The following NOX4 variants were observed in gnomAD, a reference collection of about 807,000 sequenced individuals.
NOX4 encodes NADPH oxidase 4, also known as kidney oxidase-1.
A neutral mutation model predicts 87.6 loss-of-function variants in NOX4; 69 were observed. The observed-to-expected ratio is 0.79, with a 90% CI of 0.65 to 0.96. The LOEUF is 0.96. Among genes scored for constraint, NOX4 ranks in the 40% least tolerant of loss-of-function variants. The pLI, the probability that NOX4 is intolerant of heterozygous loss-of-function variation, is 0.00. For missense variants in NOX4, 680 were observed against 681.5 expected (o/e 1.00, Z 0.02); for synonymous variants, 275 against 238.2 (o/e 1.15, Z -1.42).
intron 2 of NOX4, among the ~76,000 whole-genome samples, chr11:89,485,493 T>C (rs1946556044): frequency 1.3e-5 from 2 of 152,052 alleles, no homozygotes; most frequent in African/African-American, 4.8e-5. Flanking sequence ...TTACATGATA[T>C]TCTTTAATTA....
At chr11:89,378,727 G>A (rs1214439429) in intron 11 of NOX4, among the ~76,000 whole-genome samples, 1 of 152,024 alleles carries the variant, frequency 6.6e-6, no homozygotes, top group Non-Finnish European at 1.5e-5. Context: ...TCAAAGGTGG[G>A]CAGCTCTTCG....
At chr11:89,523,976 C>A in the NOX4 span, among the ~76,000 whole-genome samples, 1 of 152,102 alleles carries the variant, frequency 6.6e-6, no homozygotes, top group East Asian at 1.9e-4. Context: ...ATCAGCAGCT[C>A]CCTGGGGCCA....
chr11:89,542,375 G>A, the NOX4 span, among the ~76,000 whole-genome samples: 30 of 152,250 alleles, frequency 2.0e-4, no homozygotes, highest in South Asian at 6.2e-3. Context: ...ATACCTCAGG[G>A]CACTCTGCTC....
At position 89,358,917 on chromosome 11, in the gene NOX4, T is replaced by C. The variant is rs7926921; in HGVS notation, c.1136-3874A>G. Among the ~76,000 whole-genome samples, 625 of 152,094 alleles carry C rather than the reference T, an allele frequency of 4.1e-3. 5 individuals are homozygous for C. The highest frequency in any genetic ancestry group is 0.014 in the African/African-American group (598 of 41,530). On this transcript the variant is annotated intron_variant, in intron 12 of 17. Transcript: ENST00000263317. ...CTTTCACAGGACTTCTTAGAAGAAA[T>C]TCATTAAAGCCACTGGAAAAAAAAA...
At chr11:89,528,167 G>A in the NOX4 span, among the ~76,000 whole-genome samples, 2 of 152,266 alleles carry the variant, frequency 1.3e-5, no homozygotes, top group African/African-American at 4.8e-5. Context: ...TAGCCACTTC[G>A]TTTTGGCCAA....
chr11:89,356,987 C>T (rs1345831323), intron 12 of NOX4, among the ~76,000 whole-genome samples: 1 of 152,076 alleles, frequency 6.6e-6, no homozygotes, highest in East Asian at 1.9e-4. Flanking sequence ...GCTAACACTC[C>T]CCAGCTGCAG....
At chr11:89,578,952 C>G in the NOX4 span, among the ~76,000 whole-genome samples, 1 of 152,072 alleles carries the variant, frequency 6.6e-6, no homozygotes, top group Non-Finnish European at 1.5e-5. Context: ...CAGCACTTAC[C>G]TGCAATGAAA....
intron 5 of NOX4, among the ~76,000 whole-genome samples, chr11:89,442,842 T>C (rs1360951422): frequency 1.3e-5 from 2 of 151,940 alleles, no homozygotes; most frequent in African/African-American, 4.8e-5. Context: ...ATTAAAGTTA[T>C]TAAAGACATG....
intron 11 of NOX4, among the ~76,000 whole-genome samples, chr11:89,390,015 T>C (rs911155304): frequency 1.3e-5 from 2 of 152,196 alleles, no homozygotes; most frequent in African/African-American, 4.8e-5. Flanking sequence ...TTGACAAAGA[T>C]GTGATACTCA....
chr11:89,348,172 T>C (rs1946297971), intron 13 of NOX4, among the ~76,000 whole-genome samples: 1 of 152,126 alleles, frequency 6.6e-6, no homozygotes, highest in Non-Finnish European at 1.5e-5. Flanking sequence ...AATCCCCACT[T>C]TGGGAGGTCA....
the NOX4 span, among the ~76,000 whole-genome samples, chr11:89,523,269 G>A: frequency 2.6e-5 from 4 of 152,052 alleles, no homozygotes; most frequent in South Asian, 2.1e-4. Flanking sequence ...TAATCCTCCC[G>A]CCTCAGCCTC....
At chr11:89,571,723 A>C in the NOX4 span, among the ~76,000 whole-genome samples, 1 of 151,804 alleles carries the variant, frequency 6.6e-6, no homozygotes. Flanking sequence ...AGGACCCCCA[A>C]ATTACTAAGC....
At chr11:89,503,426 T>C in the NOX4 span, among the ~76,000 whole-genome samples, 1 of 152,014 alleles carries the variant, frequency 6.6e-6, no homozygotes, top group Non-Finnish European at 1.5e-5. Context: ...TGTAGTATAA[T>C]ATTCAACACA....
At chr11:89,559,623 C>T in the NOX4 span, among the ~76,000 whole-genome samples, 2 of 152,024 alleles carry the variant, frequency 1.3e-5, no homozygotes, top group Non-Finnish European at 2.9e-5. Context: ...AGATAATAAT[C>T]AAATGTAGCA....
chr11:89,377,741 C>T (rs1297704750), intron 11 of NOX4, among the ~76,000 whole-genome samples: 3 of 152,046 alleles, frequency 2.0e-5, no homozygotes, highest in South Asian at 2.1e-4. Flanking sequence ...AAAATAGCAA[C>T]TTTTCAAAAA....
At chr11:89,554,256 C>T in the NOX4 span, among the ~76,000 whole-genome samples, 2 of 151,832 alleles carry the variant, frequency 1.3e-5, no homozygotes, top group Non-Finnish European at 2.9e-5. Flanking sequence ...AAACTGTGGT[C>T]CTACCACTAT....
chr11:89,361,082 A>G (rs2135004169), intron 12 of NOX4, among the ~76,000 whole-genome samples: 1 of 152,234 alleles, frequency 6.6e-6, no homozygotes, highest in Middle Eastern at 3.4e-3. Flanking sequence ...CATTCAGTCC[A>G]GCAATCTCAC....
At chr11:89,443,965 A>G in intron 5 of NOX4, 170 bp downstream of exon 5, 1 of 580,252 alleles carries the variant, frequency 1.7e-6, no homozygotes, top group South Asian at 2.2e-5. Context: ...ACTATGAAAT[A>G]GTAATTACTT....
chr11:89,449,452 A>T lies in NOX4; in HGVS notation c.337T>A (p.Cys113Ser). The T allele has an allele frequency of 6.2e-7, 1 of 1,606,922 alleles. No individual in the cohort carries two copies. The highest frequency in any genetic ancestry group is 1.7e-5 in the Admixed American group (1 of 59,268). Residue 113 changes from cysteine (C) to serine (S), a missense_variant, in exon 4 of 18, where the codon TGT becomes AGT. Cys to Ser is a moderately radical substitution (Grantham distance 112). Transcript: ENST00000263317. Reference sequence around the variant, plus strand: ...GTGGCTTTCTCACCTGAGAAAATACAGATAGTAACACCACAGGTAATATGG... The same window carrying T: ...GTGGCTTTCTCACCTGAGAAAATACTGATAGTAACACCACAGGTAATATGG... ...TFHITCGVTI[C>S]IFSGVHVAAH...
Sources: gnomAD v4.1 joint callset for allele counts (sites outside exome capture counted in the v4.1 genomes callset) on GRCh38, gnomAD v4.1.1 for gene constraint, MANE v1.5 for transcripts, NCBI Gene and HGNC (gene_info 2026-07-23, HGNC 2026-07-21) for gene names.